ZNF16: variants seen among roughly 807,000 people sequenced by gnomAD.
The protein encoded by ZNF16 is zinc finger protein 16.
Under a neutral mutation model 9.0 loss-of-function variants are expected in ZNF16, and 7 were observed. That is an observed-to-expected ratio of 0.78 (90% confidence interval 0.44 to 1.47). ZNF16 has a LOEUF of 1.47. Ranked by LOEUF, ZNF16 falls within the 40% of genes most tolerant of loss-of-function variation. The pLI, the probability that ZNF16 is intolerant of heterozygous loss-of-function variation, is 0.01. For missense variants in ZNF16, 830 were observed against 854.2 expected (o/e 0.97, Z 0.35); for synonymous variants, 312 against 301.5 (o/e 1.03, Z -0.36).
chr8:144,948,253 C>G (rs1229032517), intron 1 of ZNF16: 1 of 152,206 alleles, frequency 6.6e-6, no homozygotes, highest in East Asian at 1.9e-4. Context: ...GAAACACTGG[C>G]CACATTTCTG....
Position 144,946,564 on chromosome 8 carries a change from C to G in ZNF16, c.-9-349G>C, listed in dbSNP as rs868833512. Among the ~76,000 whole-genome samples the G allele has an allele frequency of 2.0e-3, 282 of 138,810 alleles. 17 individuals carry two copies. The highest frequency in any genetic ancestry group is 7.9e-3 in the Middle Eastern group (2 of 254). The allele number at this position is 138,810 out of a possible 152,430, so 91.1% of individuals were successfully genotyped here. A position where few individuals can be genotyped will look rare whatever the true frequency, so the allele number is the denominator to read the frequency against. ...TGTGTACTGCTGTGGGGCCTGTACC[C>G]TGCTGTGGGCCTGTGTCCTGCTGTG... On this transcript the variant is annotated intron_variant, in intron 1 of 2. Coordinates refer to ENST00000394909, the MANE Select transcript of ZNF16 (RefSeq NM_006958.3).
rs775979372 is a variant in ZNF16 at position 144,931,743 on chromosome 8, C to T, written c.1044G>A (p.Pro348=). The T allele has an allele frequency of 1.4e-5, 22 of 1,613,830 alleles. No individual in the cohort carries two copies. Among genetic ancestry groups the T allele is most frequent in the Admixed American group, 1.2e-4 (7 of 60,000 alleles). The part of the protein sequence containing the change: ...QHQRIHSGEK[P]YVCSECGKAF... ...CCTTCCCACACTCACTGCACACATA[C>T]GGTTTCTCCCCAGAATGGATTCTTT... Residue 348 remains proline (P), a synonymous_variant, in exon 3 of 3, where the codon CCG becomes CCA. Coordinates refer to ENST00000394909, the MANE Select transcript of ZNF16 (RefSeq NM_006958.3).
chr8:144,947,356 G>GGGGCCTGTGTCCTGCTGT (rs1563926515), intron 1 of ZNF16, among the ~76,000 whole-genome samples: 4 of 126,194 alleles, frequency 3.2e-5, no homozygotes, highest in African/African-American at 1.1e-4. Flanking sequence ...GTCCTGTTGT[G>GGGGCCTGTGTCCTGCTGT]GGGCCTGTAT....
intron 2 of ZNF16, among the ~76,000 whole-genome samples, chr8:144,937,805 A>G (rs908798494): frequency 2.0e-5 from 3 of 151,268 alleles, no homozygotes; most frequent in Non-Finnish European, 4.4e-5. Flanking sequence ...GCACCCCTGG[A>G]GTAGGCACCA....
intron 2 of ZNF16, among the ~76,000 whole-genome samples, chr8:144,941,946 C>T (rs890408277): frequency 4.0e-5 from 6 of 150,014 alleles, no homozygotes; most frequent in East Asian, 2.0e-4. Flanking sequence ...CGTGAGCCAC[C>T]GCGCCTGGCC....
In ZNF16 at chr8:144,932,736, A is replaced by T; in HGVS notation, c.197-146T>A. On this transcript the variant is annotated intron_variant, in intron 2 of 2. Transcript: ENST00000394909. This position sits in a 1 kb window ranked among gnomAD's most constrained non-coding sequence, Gnocchi z 5.0. ...GTGGCAGTCCAGATCAGAGGGCATC[A>T]GGGAGGGGTGGGAGGAGCACTGGGT... 2.7e-5 allele frequency: 19 copies of T among 711,120 alleles called. No homozygotes were observed. The highest frequency in any genetic ancestry group is 3.6e-5 in the African/African-American group (2 of 55,464). 44.1% of individuals were successfully genotyped at this position (711,120 alleles called of 1,614,324 possible). A position where few individuals can be genotyped will look rare whatever the true frequency, so the allele number is the denominator to read the frequency against.
chr8:144,949,098 C>G (rs773280642), intron 1 of ZNF16, among the ~76,000 whole-genome samples: 4 of 152,274 alleles, frequency 2.6e-5, no homozygotes, highest in Non-Finnish European at 5.9e-5. Context: ...AGTGGAGTCT[C>G]CTGGCTAGAG....
chr8:144,949,305 C>T (rs1314303642), intron 1 of ZNF16, among the ~76,000 whole-genome samples: 1 of 152,228 alleles, frequency 6.6e-6, no homozygotes, highest in Admixed American at 6.5e-5. Flanking sequence ...GCCTCCCAGG[C>T]AGGACATCTG....
chr8:144,942,748 T>A (rs1022489539), intron 2 of ZNF16, among the ~76,000 whole-genome samples: 9 of 152,236 alleles, frequency 5.9e-5, no homozygotes, highest in Non-Finnish European at 1.2e-4. Context: ...TACACCTTTA[T>A]ACATAGTGGG....
chr8:144,931,634 C>A lies in ZNF16; in HGVS notation c.1153G>T (p.Ala385Ser). The change falls in exon 3 of 3, where the codon GCC (alanine) becomes TCC (serine). Residue 385 changes from alanine (A) to serine (S), a missense_variant. Physicochemically the swap from Ala to Ser is moderately conservative, Grantham distance 99. Transcript: ENST00000394909. ...CTCAGGTGTGCACTCTGGCTGAAGG[C>A]TTTCCCACACTCGCCACACTCAAAA... ...KPFECGECGK[A>S]FSQSAHLRKH... 6.2e-7 allele frequency: 1 copy of A among 1,613,844 alleles called. No individual in the cohort carries two copies. Among genetic ancestry groups the A allele is most frequent in the Non-Finnish European group, 8.5e-7 (1 of 1,179,954 alleles).
intron 1 of ZNF16, chr8:144,948,058 G>A (rs1420536136): frequency 6.5e-6 from 1 of 152,730 alleles, no homozygotes; most frequent in Non-Finnish European, 1.5e-5. Context: ...GGTGGCAGAA[G>A]GATGGTGCAG....
intron 1 of ZNF16, among the ~76,000 whole-genome samples, chr8:144,947,678 A>G (rs1833997581): frequency 6.6e-6 from 1 of 151,986 alleles, no homozygotes; most frequent in African/African-American, 2.4e-5. Context: ...CTCATTCCCC[A>G]TTTCATGTTG....
intron 2 of ZNF16, among the ~76,000 whole-genome samples, chr8:144,935,833 G>A (rs763634439): frequency 2.6e-5 from 4 of 152,232 alleles, no homozygotes; most frequent in Admixed American, 6.5e-5. Flanking sequence ...GCTGGGCTGT[G>A]TGTTGGACAA....
intron 2 of ZNF16, among the ~76,000 whole-genome samples, chr8:144,942,936 G>C (rs1216480193): frequency 6.6e-6 from 1 of 152,136 alleles, no homozygotes; most frequent in Non-Finnish European, 1.5e-5. Flanking sequence ...ACTTTTACTG[G>C]AGGTCTTTAT....
rs1177734048 is a variant in ZNF16 at position 144,931,943 on chromosome 8, T to C, written c.844A>G (p.Arg282Gly). Reference sequence around the variant, plus strand: ...TCACTGCTGTGGTGACTCTGATGCCTAGAAAAGTCTGAGTGCCCTCGGAAG... The same window carrying C: ...TCACTGCTGTGGTGACTCTGATGCCCAGAAAAGTCTGAGTGCCCTCGGAAG... ...KAFRGHSDFS[R>G]HQSHHSSERP... The change falls in exon 3 of 3, where the codon AGG becomes GGG. Residue 282 changes from arginine to glycine, a missense_variant. Coordinates refer to ENST00000394909, the MANE Select transcript of ZNF16 (RefSeq NM_006958.3). 4 of 1,613,446 alleles carry C rather than the reference T, an allele frequency of 2.5e-6. No individual in the cohort carries two copies. Among genetic ancestry groups the C allele is most frequent in the Non-Finnish European group, 3.4e-6 (4 of 1,179,556 alleles).
chr8:144,945,902 AC>A (rs1408572633), intron 2 of ZNF16, 108 bp downstream of exon 2: 4 of 1,490,244 alleles, frequency 2.7e-6, no homozygotes, highest in Non-Finnish European at 3.6e-6. Flanking sequence ...GTACCCCGTC[AC>A]CCTCCCTACC....
intron 1 of ZNF16, among the ~76,000 whole-genome samples, chr8:144,950,094 G>C (rs183935899): frequency 3.9e-5 from 6 of 152,270 alleles, no homozygotes; most frequent in Non-Finnish European, 8.8e-5. Flanking sequence ...ACTCCACTGA[G>C]ATGTTTGGGT....
chr8:144,944,859 T>G (rs1252898351), intron 2 of ZNF16: 1 of 152,220 alleles, frequency 6.6e-6, no homozygotes, highest in East Asian at 1.9e-4. Flanking sequence ...TTTCTTTAGC[T>G]TGTGTTCAAC....
rs1833514560 is a variant in ZNF16, at chr8:144,930,983, T to G, written c.1804A>C (p.Thr602Pro). Reference protein sequence around the residue: ...QKVHTGEKPYTCVECGKGFSQ... With the variant: ...QKVHTGEKPYPCVECGKGFSQ... ...AAGCCCTTACCACATTCAACACAGG[T>G]GTAGGGTTTTTCCCCAGTATGAACT... is the stretch of plus-strand genomic sequence containing the variant. Residue 602 changes from threonine (T) to proline (P), a missense_variant, in exon 3 of 3, where the codon ACC becomes CCC. Thr to Pro is a conservative substitution (Grantham distance 38). Coordinates refer to ENST00000394909, the MANE Select transcript of ZNF16 (RefSeq NM_006958.3). 1 of 1,613,622 alleles carries G rather than the reference T, an allele frequency of 6.2e-7. No homozygotes were observed. The highest frequency in any genetic ancestry group is 1.3e-5 in the African/African-American group (1 of 74,732).
Sources: gnomAD v4.1 joint callset for allele counts (sites outside exome capture counted in the v4.1 genomes callset) on GRCh38, gnomAD v4.1.1 for gene constraint, Gnocchi (gnomAD v3.1) non-coding constraint, MANE v1.5 for transcripts, NCBI Gene and HGNC (gene_info 2026-07-23, HGNC 2026-07-21) for gene names.